The following ULK4 variants were observed in gnomAD, a reference collection of about 807,000 sequenced individuals.
ULK4 encodes the protein inactive serine/threonine-protein kinase ULK4.
ULK4 carries 133 observed loss-of-function variants against 160.6 expected under a neutral mutation model. The ratio of observed to expected loss-of-function variants is 0.83; its 90% CI spans 0.72 to 0.96. ULK4 has a LOEUF of 0.96. ULK4 is among the 40% of genes least tolerant of loss of function. The pLI, the probability that ULK4 is intolerant of heterozygous loss-of-function variation, is 0.00. For missense variants in ULK4, 1,580 were observed against 1,499.5 expected (o/e 1.05, Z -0.89); for synonymous variants, 534 against 539.8 (o/e 0.99, Z 0.15).
At chr3:41,825,719 A>G (rs533922791) in intron 18 of ULK4, among the ~76,000 whole-genome samples, 1 of 152,350 alleles carries the variant, frequency 6.6e-6, no homozygotes, top group African/African-American at 2.4e-5. Context: ...AATGGAACCA[A>G]GCTGGAAAAC....
chr3:41,597,744 C>A (rs961633365), intron 31 of ULK4, among the ~76,000 whole-genome samples: 1 of 152,162 alleles, frequency 6.6e-6, no homozygotes, highest in African/African-American at 2.4e-5. Flanking sequence ...TGATTTACCA[C>A]TGGATAATTC....
chr3:41,353,144 G>A (rs1002913983), intron 35 of ULK4, among the ~76,000 whole-genome samples: 9 of 152,174 alleles, frequency 5.9e-5, no homozygotes, highest in African/African-American at 2.2e-4. Flanking sequence ...ATGTAGAAAT[G>A]TTAAGCTTTG....
At chr3:41,596,967 C>T (rs2031737044) in intron 31 of ULK4, among the ~76,000 whole-genome samples, 1 of 152,168 alleles carries the variant, frequency 6.6e-6, no homozygotes, top group Admixed American at 6.5e-5. Context: ...AGTAGCATCC[C>T]TGACTTCTAC....
intron 17 of ULK4, among the ~76,000 whole-genome samples, chr3:41,844,688 G>C (rs547939028): frequency 6.6e-6 from 1 of 152,038 alleles, no homozygotes; most frequent in Non-Finnish European, 1.5e-5. Context: ...CGCCAAGAGC[G>C]AGCGAGGGCT....
chr3:41,522,902 T>C (rs2085982976), intron 32 of ULK4, among the ~76,000 whole-genome samples: 1 of 152,028 alleles, frequency 6.6e-6, no homozygotes, highest in South Asian at 2.1e-4. Flanking sequence ...GATCAAGGTA[T>C]TTTTGTTTGT....
chr3:41,840,634 C>T (rs1397650040), intron 17 of ULK4, among the ~76,000 whole-genome samples: 2 of 152,242 alleles, frequency 1.3e-5, no homozygotes, highest in African/African-American at 4.8e-5. Context: ...CCTCGGCCTC[C>T]CGGGGTGCTG....
intron 30 of ULK4, among the ~76,000 whole-genome samples, chr3:41,642,687 T>G (rs1310537663): frequency 6.6e-6 from 1 of 152,208 alleles, no homozygotes; most frequent in Non-Finnish European, 1.5e-5. Flanking sequence ...TGATTTATAG[T>G]CCTTTGGGTA....
chr3:41,328,491 G>T (rs1299381229), intron 35 of ULK4, among the ~76,000 whole-genome samples: 3 of 152,130 alleles, frequency 2.0e-5, no homozygotes, highest in Non-Finnish European at 4.4e-5. Context: ...AGAAATGAGA[G>T]AGGCAAGAGC....
At chr3:41,736,819 G>GT (rs2038069024) in intron 22 of ULK4, among the ~76,000 whole-genome samples, 1 of 151,524 alleles carries the variant, frequency 6.6e-6, no homozygotes, top group Non-Finnish European at 1.5e-5. Flanking sequence ...GGTTTTTATG[G>GT]TTTTAGGTCT....
intron 22 of ULK4, among the ~76,000 whole-genome samples, chr3:41,751,497 C>G (rs1275348076): frequency 6.6e-6 from 1 of 152,196 alleles, no homozygotes; most frequent in Non-Finnish European, 1.5e-5. Flanking sequence ...TCTCTCTACA[C>G]TCATCCTGTT....
rs182985399 is a variant in ULK4, at chr3:41,372,383, G to C, written c.3678+25696C>G. ...TTAAAATAAAGGAAAAAATGTTAAG[G>C]GGAGCCAGAGAGAAAGGTCGGGTTA... On this transcript the variant is annotated intron_variant, in intron 35 of 36. Coordinates refer to ENST00000301831, the MANE Select transcript of ULK4 (RefSeq NM_017886.4). Among the ~76,000 whole-genome samples, 109 of 152,196 alleles carry C rather than the reference G, an allele frequency of 7.2e-4. 1 individual carries two copies. The highest frequency in any genetic ancestry group is 1.6e-3 in the Admixed American group (24 of 15,284).
At chr3:41,647,421 C>T (rs190947710) in intron 30 of ULK4, among the ~76,000 whole-genome samples, 6 of 151,056 alleles carry the variant, frequency 4.0e-5, no homozygotes, top group East Asian at 1.9e-4. Context: ...AGACAGGACC[C>T]TCAGCTGCAG....
At chr3:41,907,732 G>C (rs1698622402) in intron 12 of ULK4, 113 bp downstream of exon 12, 1 of 592,586 alleles carries the variant, frequency 1.7e-6, no homozygotes, top group Non-Finnish European at 2.7e-6. Flanking sequence ...GATCAGCAAA[G>C]ATGACCTTAT....
At chr3:41,397,117 A>G (rs549772468) in intron 35 of ULK4, among the ~76,000 whole-genome samples, 1 of 152,272 alleles carries the variant, frequency 6.6e-6, no homozygotes, top group South Asian at 2.1e-4. Flanking sequence ...ACAAACCAGA[A>G]GATGATAGGT....
At chr3:41,959,773 A>G (rs1700609530) in intron 1 of ULK4, among the ~76,000 whole-genome samples, 1 of 151,978 alleles carries the variant, frequency 6.6e-6, no homozygotes, top group African/African-American at 2.4e-5. Context: ...CCGACTCTAC[A>G]CAAATAAAAT....
At chr3:41,309,145 A>G (rs1162249205) in intron 35 of ULK4, among the ~76,000 whole-genome samples, 5 of 152,096 alleles carry the variant, frequency 3.3e-5, no homozygotes, top group African/African-American at 1.2e-4. Flanking sequence ...CATACTTTCT[A>G]GAAAATTATC....
At chr3:41,823,113 A>G (rs1385968983) in intron 18 of ULK4, among the ~76,000 whole-genome samples, 1 of 152,166 alleles carries the variant, frequency 6.6e-6, no homozygotes, top group Non-Finnish European at 1.5e-5. Flanking sequence ...AGGTTGCAGA[A>G]AGACTGTAGA....
intron 31 of ULK4, among the ~76,000 whole-genome samples, 183 bp from the exon 32 acceptor site, chr3:41,566,313 C>T (rs151257489): frequency 0.012 from 1,848 of 152,302 alleles, 14 homozygotes; most frequent in Non-Finnish European, 0.017. Context: ...GTTAAGTGAG[C>T]TGGGAGGGAG....
At chr3:41,484,489 G>T (rs2084439669) in intron 32 of ULK4, among the ~76,000 whole-genome samples, 1 of 137,964 alleles carries the variant, frequency 7.2e-6, no homozygotes, top group Non-Finnish European at 1.6e-5. Context: ...GTCTCGCTCT[G>T]TCACCCAGGC....
Sources: allele counts gnomAD v4.1 joint callset (sites outside exome capture counted in the v4.1 genomes callset), GRCh38; gene constraint gnomAD v4.1.1; transcripts MANE v1.5; gene names NCBI Gene and HGNC (gene_info 2026-07-23, HGNC 2026-07-21).